Variants in SSUH2 observed in about 807,000 individuals in gnomAD.
SSUH2 encodes the protein protein SSUH2 homolog.
A neutral mutation model predicts 55.3 loss-of-function variants in SSUH2; 47 were observed. The ratio of observed to expected loss-of-function variants is 0.85; its 90% CI spans 0.67 to 1.08. SSUH2 has a LOEUF of 1.08. SSUH2 is among the 50% of genes least tolerant of loss of function. The probability of loss-of-function intolerance (pLI) is 0.00; values close to 1 mark genes in which losing one functional copy is unlikely to be tolerated. For missense variants in SSUH2, 535 were observed against 490.7 expected, an observed-to-expected ratio of 1.09 and a Z score of -0.85; for synonymous variants, 212 against 191.5, an observed-to-expected ratio of 1.11 and a Z score of -0.89.
Position 8,623,444 on chromosome 3 carries a change from C to T in SSUH2, c.981+105G>A, listed in dbSNP as rs930249207. 4 of 760,926 alleles carry T rather than the reference C, an allele frequency of 5.3e-6. No individual in the cohort carries two copies. The African/African-American group carries it at 6.9e-5, about 13-fold the overall frequency. 47.1% of individuals were successfully genotyped at this position (760,926 alleles called of 1,614,324 possible). A position where few individuals can be genotyped will look rare whatever the true frequency, so the allele number is the denominator to read the frequency against. On this transcript the variant is annotated intron_variant, in intron 11 of 11. Coordinates refer to ENST00000544814, the MANE Select transcript of SSUH2 (RefSeq NM_001256748.3). ...CCCACACTCCTCCCCCGGGACCTCC[C>T]TCACCTCTACGTCCTCATCCTTCCG...
intron 6 of SSUH2, among the ~76,000 whole-genome samples, chr3:8,662,326 G>A (rs1476331195): frequency 1.3e-5 from 2 of 152,160 alleles, no homozygotes; most frequent in African/African-American, 4.8e-5. Context: ...GCGCACCTTT[G>A]TCTCACTCTG....
chr3:8,660,252 G>A (rs1703343743), intron 6 of SSUH2, among the ~76,000 whole-genome samples: 1 of 152,200 alleles, frequency 6.6e-6, no homozygotes, highest in African/African-American at 2.4e-5. Context: ...GCGCTGGTTA[G>A]AGACCCCCTT....
chr3:8,672,006 A>T (rs1434845987), exon 4 of SSUH2: 1 of 151,936 alleles, frequency 6.6e-6, no homozygotes, highest in Non-Finnish European at 1.5e-5. Flanking sequence ...CATCCTCTGT[A>T]CTCTTTGCAG....
At chr3:8,665,790 T>C (rs1378450455) in intron 5 of SSUH2, among the ~76,000 whole-genome samples, 1 of 152,204 alleles carries the variant, frequency 6.6e-6, no homozygotes, top group African/African-American at 2.4e-5. Context: ...AAAAATAGAA[T>C]CTTTATTTTA....
chr3:8,638,921 G>T (rs1700379344), intron 1 of SSUH2, among the ~76,000 whole-genome samples: 2 of 152,190 alleles, frequency 1.3e-5, no homozygotes, highest in Admixed American at 1.3e-4. Flanking sequence ...CGGCTGCAAT[G>T]TCCTGCTGGA....
intron 1 of SSUH2, among the ~76,000 whole-genome samples, chr3:8,643,894 A>C (rs1701293138): frequency 6.6e-6 from 1 of 152,174 alleles, no homozygotes; most frequent in Admixed American, 6.5e-5. Flanking sequence ...AGAGAGGTTA[A>C]GTGATTTGCC....
At chr3:8,624,461 G>A (rs1352115034) in intron 10 of SSUH2, among the ~76,000 whole-genome samples, 3 of 152,164 alleles carry the variant, frequency 2.0e-5, no homozygotes, top group Admixed American at 6.5e-5. Flanking sequence ...GGCTTCTGGT[G>A]GGGGGATGCC....
At position 8,623,537 on chromosome 3, in the gene SSUH2, GC is replaced by G; in HGVS notation, c.981+11del. The G allele has an allele frequency of 6.6e-7, 1 of 1,512,612 alleles. No homozygotes were observed. Among genetic ancestry groups the G allele is most frequent in the Non-Finnish European group, 9.0e-7 (1 of 1,111,770 alleles). 93.7% of individuals were successfully genotyped at this position (1,512,612 alleles called of 1,614,324 possible). ...GACGTCAGAGCCAGATGGCCCCTCC[GC>G]CCTGGCTCACCTGCTGCAGGACGCG... On this transcript the variant is annotated intron_variant, in intron 11 of 11. Coordinates refer to ENST00000544814, the MANE Select transcript of SSUH2 (RefSeq NM_001256748.3).
At chr3:8,637,403 G>A (rs1451128571) in intron 1 of SSUH2, among the ~76,000 whole-genome samples, 1 of 152,170 alleles carries the variant, frequency 6.6e-6, no homozygotes, top group Non-Finnish European at 1.5e-5. Flanking sequence ...ATAAGAACTG[G>A]CCCCTGAAGC....
chr3:8,635,940 C>T (rs960452813), intron 1 of SSUH2, 83 bp from the exon 2 acceptor site: 20 of 1,214,552 alleles, frequency 1.6e-5, no homozygotes, highest in Non-Finnish European at 8.0e-6. Context: ...GAAATTAGGG[C>T]GGGTGCATTA....
rs1408281399 is a variant in SSUH2 at position 8,678,982 on chromosome 3, A to AC, written c.-901+722dup. Among the ~76,000 whole-genome samples, 8 of 84,130 alleles carry AC rather than the reference A, an allele frequency of 9.5e-5. 2 individuals carry two copies. Among genetic ancestry groups the AC allele is most frequent in the South Asian group, 4.4e-4 (1 of 2,272 alleles). 55.2% of individuals were successfully genotyped at this position (84,130 alleles called of 152,430 possible). A position where few individuals can be genotyped will look rare whatever the true frequency, so the allele number is the denominator to read the frequency against. Reference sequence around the variant, plus strand: ...GACGCCCATCGCAGGGCGGAGAGTCACCCCCCGCGAGGTGGGGACTGAGAG... The same window carrying AC: ...GACGCCCATCGCAGGGCGGAGAGTCACCCCCCCGCGAGGTGGGGACTGAGAG... On this transcript the variant is annotated intron_variant, in intron 2 of 18. Coordinates refer to the SSUH2 transcript ENST00000317371.
At chr3:8,638,489 T>C (rs1480112615) in intron 1 of SSUH2, among the ~76,000 whole-genome samples, 1 of 152,204 alleles carries the variant, frequency 6.6e-6, no homozygotes, top group Non-Finnish European at 1.5e-5. Context: ...CCTGCCACAT[T>C]TTGACCGGAG....
chr3:8,675,997 G>A (rs1705213405), intron 3 of SSUH2, among the ~76,000 whole-genome samples: 1 of 152,100 alleles, frequency 6.6e-6, no homozygotes, highest in South Asian at 2.1e-4. Flanking sequence ...GAGGGCCTTG[G>A]CAGCAACTGC....
intron 1 of SSUH2, among the ~76,000 whole-genome samples, chr3:8,640,735 TG>T (rs1254771006): frequency 6.6e-6 from 1 of 152,084 alleles, no homozygotes; most frequent in African/African-American, 2.4e-5. Context: ...AAAAAATATT[TG>T]GGGAAGCAAA....
intron 1 of SSUH2, among the ~76,000 whole-genome samples, chr3:8,681,331 C>T (rs1362773453): frequency 6.7e-6 from 1 of 148,934 alleles, no homozygotes; most frequent in Non-Finnish European, 1.5e-5. Flanking sequence ...GGTGGAGGCA[C>T]CCCCCGCGGC....
intron 10 of SSUH2, among the ~76,000 whole-genome samples, chr3:8,624,753 T>A (rs917532720): frequency 5.9e-5 from 9 of 152,200 alleles, no homozygotes; most frequent in African/African-American, 2.2e-4. Flanking sequence ...TAAAGCTTTA[T>A]CGACAAAGGC....
At chr3:8,624,604 A>T (rs1169544224) in intron 10 of SSUH2, among the ~76,000 whole-genome samples, 2 of 152,242 alleles carry the variant, frequency 1.3e-5, no homozygotes, top group Non-Finnish European at 2.9e-5. Context: ...GCAGAGTGAG[A>T]AAACCTTTTC....
In SSUH2 at chr3:8,619,727, T is replaced by A. The variant is rs1696034299; in HGVS notation, c.*141A>T. 3.2e-6 allele frequency: 3 copies of A among 939,044 alleles called. No homozygotes were observed. The highest frequency in any genetic ancestry group is 4.7e-6 in the Non-Finnish European group (3 of 638,422). 58.2% of individuals were successfully genotyped at this position (939,044 alleles called of 1,614,324 possible). ...GTATAAGGGGTTGGAGCTTGATAGATGATAAGCTGGTTTTTCTGGAAGGAC... is the reference window on the plus strand; with the variant it reads ...GTATAAGGGGTTGGAGCTTGATAGAAGATAAGCTGGTTTTTCTGGAAGGAC... On this transcript the variant is annotated 3_prime_UTR_variant, in exon 12 of 12. Transcript: ENST00000544814.
intron 1 of SSUH2, 70 bp downstream of exon 1, chr3:8,644,661 A>C: frequency 7.6e-7 from 1 of 1,324,456 alleles, no homozygotes; most frequent in Non-Finnish European, 1.0e-6. Context: ...AGGTCAGATT[A>C]GGTCCTCTTC....
Sources: gnomAD v4.1 joint callset for allele counts (sites outside exome capture counted in the v4.1 genomes callset) on GRCh38, gnomAD v4.1.1 for gene constraint, MANE v1.5 for transcripts, NCBI Gene and HGNC (gene_info 2026-07-23, HGNC 2026-07-21) for gene names.